The following SLC35B3 variants were observed in gnomAD, a reference collection of about 807,000 sequenced individuals.
SLC35B3 encodes the protein solute carrier family 35 member B3.
SLC35B3 carries 35 observed loss-of-function variants against 44.1 expected under a neutral mutation model. The ratio of observed to expected loss-of-function variants is 0.79; its 90% CI spans 0.61 to 1.05. The LOEUF is 1.05. SLC35B3 is among the 50% of genes least tolerant of loss of function. SLC35B3 has a pLI of 0.00. For missense variants in SLC35B3, 414 were observed against 476.4 expected (o/e 0.87, Z 1.22); for synonymous variants, 146 against 167.3 (o/e 0.87, Z 0.98).
Position 8,429,815 on chromosome 6 carries a change from C to T in SLC35B3, c.297+49G>A, listed in dbSNP as rs575775033. On this transcript the variant is annotated intron_variant, in intron 3 of 10. Transcript: ENST00000644923. ...AAAACTAGTAAATGCCCATACTGAC[C>T]GCAATTATTATAAATAATTAACATA... 35 of 1,353,678 alleles carry T rather than the reference C, an allele frequency of 2.6e-5. No individual in the cohort carries two copies. In the East Asian group the frequency reaches 3.5e-4, roughly 14 times the overall value. 83.9% of individuals were successfully genotyped at this position (1,353,678 alleles called of 1,614,324 possible).
At position 8,435,440 on chromosome 6, in the gene SLC35B3, T is replaced by A. The variant is rs1235514097; in HGVS notation, c.-141A>T. 4.1e-6 allele frequency: 5 copies of A among 1,230,988 alleles called. No individual in the cohort carries two copies. The African/African-American group carries it at 6.2e-5, about 15-fold the overall frequency. The allele number at this position is 1,230,988 out of a possible 1,614,324, so 76.3% of individuals were successfully genotyped here. On this transcript the variant is annotated 5_prime_UTR_variant, in exon 1 of 11. Coordinates refer to ENST00000644923, the MANE Select transcript of SLC35B3 (RefSeq NM_001370476.2). The surrounding 1 kb of genome is among the most constrained non-coding windows in gnomAD (Gnocchi z 5.5). ...CCTCCCCTGGTCCGTCGCCATCACC[T>A]CCTCTTCCTCCTCCTCCTCGCCCAC...
In SLC35B3 at chr6:8,434,357, C is replaced by T. The variant is rs543413313; in HGVS notation, c.3+28G>A. 14 of 1,608,948 alleles carry T rather than the reference C, an allele frequency of 8.7e-6. No homozygotes were observed. The South Asian group carries it at 8.8e-5, about 10-fold the overall frequency. On this transcript the variant is annotated intron_variant, in intron 2 of 10. Coordinates refer to ENST00000644923, the MANE Select transcript of SLC35B3 (RefSeq NM_001370476.2). The surrounding 1 kb of genome is among the most constrained non-coding windows in gnomAD (Gnocchi z 6.3). Reference sequence around the variant, plus strand: ...GTGATTTTAACTATACTTTGCCACACTCAACGTTACAAATAAAAGAATCTT... The same window carrying T: ...GTGATTTTAACTATACTTTGCCACATTCAACGTTACAAATAAAAGAATCTT...
chr6:8,427,966 T>A lies in SLC35B3; in HGVS notation c.390A>T (p.Glu130Asp). The change falls in exon 4 of 11, where the codon GAA becomes GAT. Residue 130 changes from glutamate to aspartate, a missense_variant. Physicochemically the swap from Glu to Asp is conservative, Grantham distance 45. Coordinates refer to ENST00000644923, the MANE Select transcript of SLC35B3 (RefSeq NM_001370476.2). The stretch of plus-strand genomic sequence containing the variant: ...TCCTTTTGTCCTGAATAAGCTGAAG[T>A]TCTATTAGGCCAAATATGGAGTAAA... 2 of 1,612,754 alleles carry A rather than the reference T, an allele frequency of 1.2e-6. No individual in the cohort carries two copies. The highest frequency in any genetic ancestry group is 8.5e-7 in the Non-Finnish European group (1 of 1,179,224).
intron 3 of SLC35B3, among the ~76,000 whole-genome samples, chr6:8,429,060 C>T (rs1215255127): frequency 6.6e-6 from 1 of 152,138 alleles, no homozygotes; most frequent in African/African-American, 2.4e-5. Context: ...CTAAAGAATA[C>T]TGGAAATATC....
Position 8,419,355 on chromosome 6 carries a change from TA to T in SLC35B3, c.780+224del, listed in dbSNP as rs1762686807. On this transcript the variant is annotated intron_variant, in intron 7 of 10. Coordinates refer to ENST00000644923, the MANE Select transcript of SLC35B3 (RefSeq NM_001370476.2). This position sits in a 1 kb window ranked among gnomAD's most constrained non-coding sequence, Gnocchi z 4.3. The stretch of plus-strand genomic sequence containing the variant: ...TAACAAAAGATTTTATTTTAATACA[TA>T]AAAAACTAAATCAATGAGGAAAAAA... Among the ~76,000 whole-genome samples the T allele has an allele frequency of 6.6e-6, 1 of 152,032 alleles. No homozygotes were observed. Among genetic ancestry groups the T allele is most frequent in the African/African-American group, 2.4e-5 (1 of 41,446 alleles).
intron 4 of SLC35B3, among the ~76,000 whole-genome samples, chr6:8,424,847 C>T (rs1186351348): frequency 1.3e-5 from 2 of 152,040 alleles, no homozygotes; most frequent in Non-Finnish European, 2.9e-5. Flanking sequence ...AAATTCTCAA[C>T]GAGTATTGAT....
At chr6:8,422,677 A>G (rs1763014011) in intron 4 of SLC35B3, 53 bp from the exon 4 acceptor site, 1 of 1,387,734 alleles carries the variant, frequency 7.2e-7, no homozygotes, top group Non-Finnish European at 1.0e-6. Flanking sequence ...TCATACTACT[A>G]AAAGATAATG....
Position 8,432,549 on chromosome 6 carries a change from G to C in SLC35B3, c.3+1836C>G, listed in dbSNP as rs1259619132. On this transcript the variant is annotated intron_variant, in intron 2 of 10. Coordinates refer to ENST00000644923, the MANE Select transcript of SLC35B3 (RefSeq NM_001370476.2). The surrounding 1 kb of genome is among the most constrained non-coding windows in gnomAD (Gnocchi z 4.8). ...TGCTTTCCCCATGCTTTGGAATTTT[G>C]ACAGATATGAGTTCAAGATCTGGCT... is the stretch of plus-strand genomic sequence containing the variant. Among the ~76,000 whole-genome samples, 3 of 152,038 alleles carry C rather than the reference G, an allele frequency of 2.0e-5. No homozygotes were observed. The highest frequency in any genetic ancestry group is 7.2e-5 in the African/African-American group (3 of 41,404).
chr6:8,417,637 C>G, intron 7 of SLC35B3, 143 bp from the exon 7 acceptor site: 1 of 524,464 alleles, frequency 1.9e-6, no homozygotes, highest in Non-Finnish European at 3.4e-6. Flanking sequence ...CCTAAATTTC[C>G]AGAAATGTTA....
At chr6:8,428,638 T>C (rs1763668927) in intron 3 of SLC35B3, among the ~76,000 whole-genome samples, 1 of 152,134 alleles carries the variant, frequency 6.6e-6, no homozygotes, top group South Asian at 2.1e-4. Context: ...TAAACTAAAA[T>C]ATCTGATTAT....
At chr6:8,418,678 T>A (rs1185505065) in intron 7 of SLC35B3, 1 of 152,590 alleles carries the variant, frequency 6.6e-6, no homozygotes, top group African/African-American at 2.4e-5. Flanking sequence ...TGGATTTACA[T>A]GAAGAAAACT....
At chr6:8,418,873 TG>T in intron 7 of SLC35B3, 1 of 226,244 alleles carries the variant, frequency 4.4e-6, no homozygotes, top group Non-Finnish European at 9.8e-6. Flanking sequence ...GAATAACTAC[TG>T]GTAGTAATAT....
At position 8,412,734 on chromosome 6, in the gene SLC35B3, C is replaced by T. The variant is rs1762095625; in HGVS notation, c.*815G>A. Among the ~76,000 whole-genome samples the T allele has an allele frequency of 6.6e-6, 1 of 152,148 alleles. No individual in the cohort carries two copies. On this transcript the variant is annotated 3_prime_UTR_variant, in exon 11 of 11. Coordinates refer to ENST00000644923, the MANE Select transcript of SLC35B3 (RefSeq NM_001370476.2). ...ATGAAACTGTTCCACTTCAGATCAT[C>T]AGGCATTAGATTCTCAAAAGGAGTG...
At position 8,422,630 on chromosome 6, in the gene SLC35B3, A is replaced by G; in HGVS notation, c.420-6T>C. On this transcript the variant is annotated splice_region_variant and splice_polypyrimidine_tract_variant and intron_variant, in intron 4 of 10. Coordinates refer to ENST00000644923, the MANE Select transcript of SLC35B3 (RefSeq NM_001370476.2). The stretch of plus-strand genomic sequence containing the variant: ...TGTAGGTTTTTCCTGGTATTCTGTA[A>G]AAGACAATTTTTAAAACCTTCATTT... The G allele has an allele frequency of 6.3e-7, 1 of 1,599,770 alleles. No homozygotes were observed. The highest frequency in any genetic ancestry group is 8.5e-7 in the Non-Finnish European group (1 of 1,175,510).
At position 8,435,520 on chromosome 6, in the gene SLC35B3, C is replaced by T. The variant is rs1015301818; in HGVS notation, c.-221G>A. 4 of 548,030 alleles carry T rather than the reference C, an allele frequency of 7.3e-6. No homozygotes were observed. The highest frequency in any genetic ancestry group is 6.9e-5 in the East Asian group (1 of 14,468). The allele number at this position is 548,030 out of a possible 1,614,324, so 33.9% of individuals were successfully genotyped here. On this transcript the variant is annotated 5_prime_UTR_variant, in exon 1 of 11. Coordinates refer to ENST00000644923, the MANE Select transcript of SLC35B3 (RefSeq NM_001370476.2). The surrounding 1 kb of genome is among the most constrained non-coding windows in gnomAD (Gnocchi z 5.5). ...CCCCGGAAAGCACTCTCAACTCCGG[C>T]GCCCGCAGGCCACTTCCGCCTATGT...
chr6:8,434,957 T>A lies in SLC35B3; in HGVS notation c.-44+386A>T, dbSNP rs1764344434. The stretch of plus-strand genomic sequence containing the variant: ...AAAAGAGTACCTTGGAGTGCCCCTA[T>A]TTAATAAACACGGAACGAGGAAACA... On this transcript the variant is annotated intron_variant, in intron 1 of 10. Coordinates refer to ENST00000644923, the MANE Select transcript of SLC35B3 (RefSeq NM_001370476.2). This position sits in a 1 kb window ranked among gnomAD's most constrained non-coding sequence, Gnocchi z 6.3. 3.7e-6 allele frequency: 2 copies of A among 541,724 alleles called. No homozygotes were observed. Among genetic ancestry groups the A allele is most frequent in the Non-Finnish European group, 5.4e-6 (2 of 370,548 alleles). The allele number at this position is 541,724 out of a possible 1,614,324, so 33.6% of individuals were successfully genotyped here.
chr6:8,412,758 T>C lies in SLC35B3; in HGVS notation c.*791A>G, dbSNP rs879282228. ...TCAGGCATTAGATTCTCAAAAGGAG[T>C]GTACAACCCAAACCCCTTGCATATG... On this transcript the variant is annotated 3_prime_UTR_variant, in exon 11 of 11. Transcript: ENST00000644923. Among the ~76,000 whole-genome samples, 9 of 151,964 alleles carry C rather than the reference T, an allele frequency of 5.9e-5. No homozygotes were observed. The highest frequency in any genetic ancestry group is 8.8e-5 in the Non-Finnish European group (6 of 67,986).
chr6:8,425,022 AATTAC>A (rs1763283645), intron 4 of SLC35B3, among the ~76,000 whole-genome samples: 1 of 152,250 alleles, frequency 6.6e-6, no homozygotes, highest in Non-Finnish European at 1.5e-5. Context: ...TTCAATTCAT[AATTAC>A]ATTTATTATA....
intron 4 of SLC35B3, among the ~76,000 whole-genome samples, chr6:8,424,612 C>T (rs145800055): frequency 1.0e-3 from 159 of 152,246 alleles, no homozygotes; most frequent in African/African-American, 3.7e-3. Flanking sequence ...TGAGCACTCT[C>T]CTTAATTAGA....
Sources: gnomAD v4.1 joint callset for allele counts (sites outside exome capture counted in the v4.1 genomes callset) on GRCh38, gnomAD v4.1.1 for gene constraint, Gnocchi (gnomAD v3.1) non-coding constraint, MANE v1.5 for transcripts, NCBI Gene and HGNC (gene_info 2026-07-23, HGNC 2026-07-21) for gene names.